Variants in CFAP299 observed in about 807,000 individuals in gnomAD.
CFAP299 encodes cilia and flagella associated protein 299, also known as cilia- and flagella-associated protein 299.
Under a neutral mutation model 27.0 loss-of-function variants are expected in CFAP299, and 21 were observed. The observed-to-expected ratio is 0.78, with a 90% CI of 0.55 to 1.12. The LOEUF (loss-of-function observed/expected upper bound fraction) is 1.12, where lower values mean the gene tolerates loss of function less well. Among genes scored for constraint, CFAP299 ranks in the 50% most tolerant of loss-of-function variants. The pLI, the probability that CFAP299 is intolerant of heterozygous loss-of-function variation, is 0.00. For missense variants in CFAP299, 310 were observed against 276.6 expected (o/e 1.12, Z -0.86); for synonymous variants, 104 against 98.1 (o/e 1.06, Z -0.36).
chr4:80,655,611 G>T (rs933450662), intron 3 of CFAP299, among the ~76,000 whole-genome samples: 1 of 151,956 alleles, frequency 6.6e-6, no homozygotes, highest in Non-Finnish European at 1.5e-5. Context: ...TTTTAATAAT[G>T]GTACCAGATA....
intron 3 of CFAP299, among the ~76,000 whole-genome samples, chr4:80,726,325 T>C (rs1304553641): frequency 6.6e-6 from 1 of 152,200 alleles, no homozygotes; most frequent in Non-Finnish European, 1.5e-5. Flanking sequence ...TTCAAGTATT[T>C]GAGTTTTGTG....
intron 4 of CFAP299, among the ~76,000 whole-genome samples, chr4:80,876,238 C>A (rs1733369146): frequency 1.3e-5 from 2 of 151,592 alleles, no homozygotes; most frequent in Admixed American, 6.6e-5. Context: ...TTGGCTGTGT[C>A]ACCACCCAAA....
At chr4:80,652,891 C>CCTA (rs1430084751) in intron 3 of CFAP299, among the ~76,000 whole-genome samples, 1 of 152,108 alleles carries the variant, frequency 6.6e-6, no homozygotes, top group African/African-American at 2.4e-5. Flanking sequence ...AGTTGACGTG[C>CCTA]CTATGCCTTA....
At chr4:80,501,471 A>G (rs1731739014) in intron 2 of CFAP299, among the ~76,000 whole-genome samples, 1 of 147,648 alleles carries the variant, frequency 6.8e-6, no homozygotes, top group Non-Finnish European at 1.5e-5. Context: ...AAAGATTTAT[A>G]ATTATACATT....
chr4:80,874,805 G>T (rs1327152468), intron 4 of CFAP299, among the ~76,000 whole-genome samples: 1 of 152,090 alleles, frequency 6.6e-6, no homozygotes, highest in Non-Finnish European at 1.5e-5. Context: ...GTGCTCTCTA[G>T]TAGGGTAGCT....
intron 3 of CFAP299, among the ~76,000 whole-genome samples, chr4:80,838,389 T>C (rs1038847703): frequency 4.6e-5 from 7 of 152,144 alleles, no homozygotes; most frequent in African/African-American, 1.7e-4. Context: ...GGTTTTATGG[T>C]TTTAGGTCTT....
chr4:80,590,213 C>A, intron 3 of CFAP299, among the ~76,000 whole-genome samples: 1 of 152,190 alleles, frequency 6.6e-6, no homozygotes, highest in East Asian at 1.9e-4. Context: ...AAATGACACT[C>A]CGTCACTGAT....
At chr4:80,737,672 T>A (rs1723988415) in intron 3 of CFAP299, among the ~76,000 whole-genome samples, 1 of 152,134 alleles carries the variant, frequency 6.6e-6, no homozygotes, top group Non-Finnish European at 1.5e-5. Context: ...TCTGTCTTTT[T>A]TTCTTAGTCT....
chr4:80,386,681 CG>C, intron 2 of CFAP299: 4 of 1,578,658 alleles, frequency 2.5e-6, no homozygotes, highest in Non-Finnish European at 3.5e-6. Flanking sequence ...GTGGGCACGG[CG>C]GCTGAAGGAC....
chr4:80,769,095 A>T (rs562121832), intron 3 of CFAP299, among the ~76,000 whole-genome samples: 6 of 152,278 alleles, frequency 3.9e-5, no homozygotes, highest in African/African-American at 1.4e-4. Flanking sequence ...TCTTTGAGAG[A>T]TGCCAATACT....
chr4:80,360,388 G>A (rs1723483753), intron 1 of CFAP299, among the ~76,000 whole-genome samples: 2 of 152,132 alleles, frequency 1.3e-5, no homozygotes, highest in Admixed American at 1.3e-4. Flanking sequence ...ACGTCTAGGT[G>A]CCTTCTCTCT....
At chr4:80,695,372 T>A (rs1721020944) in intron 3 of CFAP299, among the ~76,000 whole-genome samples, 1 of 152,210 alleles carries the variant, frequency 6.6e-6, no homozygotes, top group Non-Finnish European at 1.5e-5. Context: ...ACTAATCTTA[T>A]TCCAGAAATA....
intron 2 of CFAP299, among the ~76,000 whole-genome samples, chr4:80,446,928 T>C (rs1207666772): frequency 2.0e-5 from 3 of 152,138 alleles, no homozygotes; most frequent in African/African-American, 7.2e-5. Context: ...TGCAATTCAG[T>C]AAAAGATTAA....
chr4:80,338,932 G>C (rs1279909155), intron 1 of CFAP299, among the ~76,000 whole-genome samples: 1 of 152,194 alleles, frequency 6.6e-6, no homozygotes, highest in Admixed American at 6.5e-5. Flanking sequence ...ATCTGTGCCA[G>C]ATCCATTCTG....
chr4:80,372,885 C>A (rs749258319), intron 2 of CFAP299, among the ~76,000 whole-genome samples: 8 of 152,062 alleles, frequency 5.3e-5, no homozygotes, highest in Non-Finnish European at 1.2e-4. Context: ...GACTTTATTT[C>A]CTAATTGAGG....
chr4:80,367,193 A>G (rs1723879540), intron 2 of CFAP299, among the ~76,000 whole-genome samples: 1 of 152,220 alleles, frequency 6.6e-6, no homozygotes, highest in African/African-American at 2.4e-5. Context: ...GTGTGAATTT[A>G]TAGTATGTGA....
chr4:80,445,081 G>C (rs532144069), intron 2 of CFAP299, among the ~76,000 whole-genome samples: 7 of 152,290 alleles, frequency 4.6e-5, no homozygotes, highest in Admixed American at 4.6e-4. Context: ...TGGTGGGAGT[G>C]TAAATTAGTT....
intron 3 of CFAP299, among the ~76,000 whole-genome samples, chr4:80,808,499 G>A (rs984220372): frequency 6.6e-6 from 1 of 151,960 alleles, no homozygotes; most frequent in African/African-American, 2.4e-5. Context: ...CTTCCAAAAT[G>A]CCCTAAAATA....
intron 2 of CFAP299, among the ~76,000 whole-genome samples, chr4:80,553,657 CAT>C (rs1226601137): frequency 6.6e-6 from 1 of 152,064 alleles, no homozygotes; most frequent in Non-Finnish European, 1.5e-5. Flanking sequence ...GCCTTGCCAG[CAT>C]ATGTTATTTT....
Sources: gnomAD v4.1 joint callset for allele counts (sites outside exome capture counted in the v4.1 genomes callset) on GRCh38, gnomAD v4.1.1 for gene constraint, MANE v1.5 for transcripts, NCBI Gene and HGNC (gene_info 2026-07-23, HGNC 2026-07-21) for gene names.